The following VSIG10L variants were observed in gnomAD, a reference collection of about 807,000 sequenced individuals.
The protein encoded by VSIG10L is V-set and immunoglobulin domain-containing protein 10-like.
VSIG10L carries 63 observed loss-of-function variants against 67.3 expected under a neutral mutation model. That is an observed-to-expected ratio of 0.94 (90% confidence interval 0.76 to 1.15). The LOEUF (loss-of-function observed/expected upper bound fraction) is 1.15, where lower values mean the gene tolerates loss of function less well. VSIG10L is among the 50% of genes most tolerant of loss of function. The pLI is 0.00. For synonymous variants in VSIG10L, 499 were observed against 524.9 expected, an observed-to-expected ratio of 0.95 and a Z score of 0.67; for missense variants, 1,050 against 1,177.5, an observed-to-expected ratio of 0.89 and a Z score of 1.58.
rs913277935 is a variant in VSIG10L, at chr19:51,334,759, T to C, written c.2306-455A>G. ...GAGTTGGAGACCAGCCTGGGCAACATAGCGAGATCCTGTCTCTACAAAAAA... is the reference window on the plus strand; with the variant it reads ...GAGTTGGAGACCAGCCTGGGCAACACAGCGAGATCCTGTCTCTACAAAAAA... On this transcript the variant is annotated intron_variant, in intron 7 of 9. Coordinates refer to ENST00000335624, the MANE Select transcript of VSIG10L (RefSeq NM_001163922.3). Among the ~76,000 whole-genome samples, 78 of 151,884 alleles carry C rather than the reference T, an allele frequency of 5.1e-4. 5 individuals carry two copies. Among genetic ancestry groups the C allele is most frequent in the Non-Finnish European group, 1.5e-5 (1 of 67,970 alleles).
chr19:51,333,680 A>C, intron 9 of VSIG10L, 111 bp downstream of exon 9: 1 of 1,296,422 alleles, frequency 7.7e-7, no homozygotes, highest in Non-Finnish European at 1.0e-6. Flanking sequence ...TACAGACTGT[A>C]AACTAACAAG....
At chr19:51,337,897 G>A (rs1985525331) in intron 6 of VSIG10L, 33 bp downstream of exon 6, 5 of 1,515,914 alleles carry the variant, frequency 3.3e-6, no homozygotes, top group Non-Finnish European at 3.5e-6. Context: ...TGGGGACGTG[G>A]ACTTCAGGGT....
In VSIG10L at chr19:51,340,412, C is replaced by T; in HGVS notation, c.1189+21G>A. ...CTCCCCAAGGACCCCCTGTCCCCGA[C>T]CCGAGGCATCCCCCACTCACAGAAG... is the stretch of plus-strand genomic sequence containing the variant. On this transcript the variant is annotated intron_variant, in intron 3 of 9. Transcript: ENST00000335624. The surrounding 1 kb of genome is among the most constrained non-coding windows in gnomAD (Gnocchi z 6.3). The T allele has an allele frequency of 6.8e-7, 1 of 1,472,022 alleles. No individual in the cohort carries two copies. The highest frequency in any genetic ancestry group is 9.0e-7 in the Non-Finnish European group (1 of 1,110,266). 91.2% of individuals were successfully genotyped at this position (1,472,022 alleles called of 1,614,324 possible).
Position 51,340,084 on chromosome 19 carries a change from A to T in VSIG10L, c.1405T>A (p.Tyr469Asn), listed in dbSNP as rs531276046. Residue 469 changes from tyrosine (Y) to asparagine (N), a missense_variant, in exon 4 of 10, where the codon TAC becomes AAC. By Grantham distance (143) the Tyr-to-Asn change is moderately radical. This residue lies in a region of VSIG10L where 529 missense variants were observed against 584.9 expected (regional missense o/e 0.90). Transcript: ENST00000335624. The surrounding 1 kb of genome is among the most constrained non-coding windows in gnomAD (Gnocchi z 6.3). ...CGCGGGTTCGCCGCCAGGCAGGCGT[A>T]GGTGCCTGCGTGGCCCGGTCCGACC... Reference protein sequence around the residue: ...PAVGPGHAGTYACLAANPRTG... With the variant: ...PAVGPGHAGTNACLAANPRTG... The T allele has an allele frequency of 1.4e-6, 2 of 1,414,890 alleles. No individual in the cohort carries two copies. The highest frequency in any genetic ancestry group is 2.9e-5 in the South Asian group (2 of 69,384). 87.6% of individuals were successfully genotyped at this position (1,414,890 alleles called of 1,614,324 possible). A position where few individuals can be genotyped will look rare whatever the true frequency, so the allele number is the denominator to read the frequency against.
chr19:51,341,318 G>A lies in VSIG10L; in HGVS notation c.730C>T (p.Leu244=). Residue 244 remains leucine (L), a synonymous_variant, in exon 2 of 10, where the codon CTG becomes TTG. Coordinates refer to ENST00000335624, the MANE Select transcript of VSIG10L (RefSeq NM_001163922.3). The part of the protein sequence containing the change: ...AAGGLGPGAP[L]ISLDPAHRDH... ...CGGTGAGCAGGGTCCAGGCTGATCA[G>A]AGGTGCCCCTGGCCCCAGGCCCCCA... 1 of 1,544,160 alleles carries A rather than the reference G, an allele frequency of 6.5e-7. No homozygotes were observed. The highest frequency in any genetic ancestry group is 8.7e-7 in the Non-Finnish European group (1 of 1,146,794).
At chr19:51,335,175 G>C (rs1436613649) in intron 7 of VSIG10L, among the ~76,000 whole-genome samples, 5 of 152,202 alleles carry the variant, frequency 3.3e-5, no homozygotes, top group African/African-American at 1.2e-4. Flanking sequence ...GGCCAGCGTG[G>C]GTGGAGGATA....
rs765548240 is a variant in VSIG10L at position 51,341,442 on chromosome 19, C to T, written c.606G>A (p.Leu202=). The part of the protein sequence containing the change: ...PQQVGGPLAV[L]VGTTIRLPLV... ...GGGGGAGCCGGATGGTGGTCCCCAC[C>T]AGCACAGCGAGTGGGCCCCCCACCT... The change falls in exon 2 of 10, where the codon CTG becomes CTA. Residue 202 remains leucine (L), a synonymous_variant. Coordinates refer to ENST00000335624, the MANE Select transcript of VSIG10L (RefSeq NM_001163922.3). 1.4e-5 allele frequency: 21 copies of T among 1,539,166 alleles called. No individual in the cohort carries two copies. The highest frequency in any genetic ancestry group is 1.6e-5 in the Non-Finnish European group (18 of 1,140,838).
chr19:51,334,732 A>G (rs1985441819), intron 7 of VSIG10L, among the ~76,000 whole-genome samples: 3 of 152,204 alleles, frequency 2.0e-5, no homozygotes, highest in South Asian at 4.1e-4. Context: ...ACTTGAGCCC[A>G]GGAGTTGGAG....
Position 51,337,387 on chromosome 19 carries a change from T to C in VSIG10L, c.2156A>G (p.Asp719Gly). 1.9e-6 allele frequency: 3 copies of C among 1,551,592 alleles called. No homozygotes were observed. The highest frequency in any genetic ancestry group is 2.6e-6 in the Non-Finnish European group (3 of 1,146,972). The change falls in exon 7 of 10, where the codon GAC (aspartate) becomes GGC (glycine). Residue 719 changes from aspartate (D) to glycine (G), a missense_variant. Coordinates refer to ENST00000335624, the MANE Select transcript of VSIG10L (RefSeq NM_001163922.3). ...CCCCAGGATGAGCAGGGAGACCCAGTCCCTGTAGGTGGAAGTCCTGCCCAG... is the reference window on the plus strand; with the variant it reads ...CCCCAGGATGAGCAGGGAGACCCAGCCCCTGTAGGTGGAAGTCCTGCCCAG... Reference protein sequence around the residue: ...PALGRTSTYRDWVSLLILGPQ... With the variant: ...PALGRTSTYRGWVSLLILGPQ...
At position 51,334,211 on chromosome 19, in the gene VSIG10L, C is replaced by T. The variant is rs1418315366; in HGVS notation, c.2399G>A (p.Cys800Tyr). The part of the protein sequence containing the change: ...LLAVLLLLCI[C>Y]CLCRFRGKTP... ...CTCACCACGAAAGCGGCACAGGCAG[C>T]AGATGCAAAGGAGGAGAAGTACGGC... The change falls in exon 8 of 10, where the codon TGC (cysteine) becomes TAC (tyrosine). Residue 800 changes from cysteine (C) to tyrosine (Y), a missense_variant. This residue lies in a region of VSIG10L where 529 missense variants were observed against 584.9 expected (regional missense o/e 0.90). Coordinates refer to ENST00000335624, the MANE Select transcript of VSIG10L (RefSeq NM_001163922.3). The T allele has an allele frequency of 3.9e-6, 6 of 1,551,810 alleles. No homozygotes were observed. The East Asian group carries it at 1.2e-4, about 32-fold the overall frequency.
rs76812375 is a variant in VSIG10L, at chr19:51,338,697, C to T, written c.1729+191G>A. ...CCTTCTTCCTGTGTCCAGAAAAATA[C>T]CCCCATCCCTGCACCCCGCCACCAT... On this transcript the variant is annotated intron_variant, in intron 5 of 9. Coordinates refer to ENST00000335624, the MANE Select transcript of VSIG10L (RefSeq NM_001163922.3). Among the ~76,000 whole-genome samples, 676 of 152,218 alleles carry T rather than the reference C, an allele frequency of 4.4e-3. 1 individual carries two copies. Among genetic ancestry groups the T allele is most frequent in the African/African-American group, 0.015 (642 of 41,514 alleles).
At chr19:51,336,564 G>A (rs1475050307) in intron 7 of VSIG10L, among the ~76,000 whole-genome samples, 1 of 151,810 alleles carries the variant, frequency 6.6e-6, no homozygotes, top group Non-Finnish European at 1.5e-5. Context: ...CAAAAAAGAA[G>A]AAGGAGAAGG....
At position 51,340,625 on chromosome 19, in the gene VSIG10L, C is replaced by T; in HGVS notation, c.997G>A (p.Glu333Lys). Residue 333 changes from glutamate (E) to lysine (K), a missense_variant, in exon 3 of 10, where the codon GAG becomes AAG. Transcript: ENST00000335624. This position sits in a 1 kb window ranked among gnomAD's most constrained non-coding sequence, Gnocchi z 6.3. The stretch of plus-strand genomic sequence containing the variant: ...CGTCCGTCCCGGCTCCAGCTCAGCT[C>T]CCCGCGACCTGGCCCCCACCCCAGG... ...RCLGWGPGRG[E>K]LSWSRDGRAL... 1 of 1,534,582 alleles carries T rather than the reference C, an allele frequency of 6.5e-7. No individual in the cohort carries two copies. The highest frequency in any genetic ancestry group is 8.7e-7 in the Non-Finnish European group (1 of 1,146,140).
Position 51,341,413 on chromosome 19 carries a change from A to G in VSIG10L, c.635T>C (p.Val212Ala). The G allele has an allele frequency of 6.5e-7, 1 of 1,533,864 alleles. No homozygotes were observed. Among genetic ancestry groups the G allele is most frequent in the Non-Finnish European group, 8.8e-7 (1 of 1,139,506 alleles). The change falls in exon 2 of 10, where the codon GTC becomes GCC. Residue 212 changes from valine (V) to alanine (A), a missense_variant. Physicochemically the swap from Val to Ala is moderately conservative, Grantham distance 64. Transcript: ENST00000335624. ...GGGGGGCCCAGGGTTGGGGATTGGGACTAGGGGGAGCCGGATGGTGGTCCC... is the reference window on the plus strand; with the variant it reads ...GGGGGGCCCAGGGTTGGGGATTGGGGCTAGGGGGAGCCGGATGGTGGTCCC... ...LVGTTIRLPL[V>A]PIPNPGPPTS...
rs760017014 is a variant in VSIG10L at position 51,334,252 on chromosome 19, C to A, written c.2358G>T (p.Leu786=). 6.4e-7 allele frequency: 1 copy of A among 1,551,770 alleles called. No homozygotes were observed. Among genetic ancestry groups the A allele is most frequent in the Non-Finnish European group, 8.7e-7 (1 of 1,147,022 alleles). ...AIAGIVLGSL[L]GLALLAVLLL... Reference sequence around the variant, plus strand: ...GAAGTACGGCTAGCAGCGCCAGGCCCAGCAGGGAGCCCAGGACGATGCCAG... The same window carrying A: ...GAAGTACGGCTAGCAGCGCCAGGCCAAGCAGGGAGCCCAGGACGATGCCAG... The change falls in exon 8 of 10, where the codon CTG becomes CTT. Residue 786 remains leucine, a synonymous_variant. Transcript: ENST00000335624.
Position 51,331,628 on chromosome 19 carries a change from A to G in VSIG10L, c.*983T>C, listed in dbSNP as rs1051518464. On this transcript the variant is annotated 3_prime_UTR_variant, in exon 10 of 10. Transcript: ENST00000335624. ...AATTCTCAATTAGAAACCCAGCTGA[A>G]AAAGCAAGACTTACGCTGAAGACAG... 4 of 152,246 alleles carry G rather than the reference A, an allele frequency of 2.6e-5. No individual in the cohort carries two copies. The highest frequency in any genetic ancestry group is 9.6e-5 in the African/African-American group (4 of 41,462). 9.4% of individuals were successfully genotyped at this position (152,246 alleles called of 1,614,324 possible). A position where few individuals can be genotyped will look rare whatever the true frequency, so the allele number is the denominator to read the frequency against.
chr19:51,339,887 G>A, intron 4 of VSIG10L, 128 bp downstream of exon 4: 1 of 531,176 alleles, frequency 1.9e-6, no homozygotes. Flanking sequence ...CCGCCCTCCC[G>A]CTGGCCCTGC....
At chr19:51,335,445 T>C (rs1985457972) in intron 7 of VSIG10L, among the ~76,000 whole-genome samples, 1 of 152,084 alleles carries the variant, frequency 6.6e-6, no homozygotes, top group Non-Finnish European at 1.5e-5. Flanking sequence ...AGATGGAAAA[T>C]ATTTTAGAAG....
At chr19:51,337,746 G>C (rs1484086171) in intron 6 of VSIG10L, among the ~76,000 whole-genome samples, 184 bp downstream of exon 6, 1 of 150,304 alleles carries the variant, frequency 6.7e-6, no homozygotes, top group Non-Finnish European at 1.5e-5. Context: ...AGGGGCTGGG[G>C]CTAGACCCTT....
Sources: allele counts gnomAD v4.1 joint callset (sites outside exome capture counted in the v4.1 genomes callset), GRCh38; gene constraint gnomAD v4.1.1; regional missense constraint gnomAD v4.1.1; non-coding constraint Gnocchi (gnomAD v3.1); transcripts MANE v1.5; gene names NCBI Gene and HGNC (gene_info 2026-07-23, HGNC 2026-07-21).